The following CDH13 variants were observed in gnomAD, a reference collection of about 807,000 sequenced individuals.
The protein encoded by CDH13 is cadherin 13.
Under a neutral mutation model 63.8 loss-of-function variants are expected in CDH13, and 24 were observed. The ratio of observed to expected loss-of-function variants is 0.38; its 90% CI spans 0.27 to 0.53. The LOEUF is 0.53. Ranked by LOEUF, CDH13 falls within the 20% of genes least tolerant of loss-of-function variation. CDH13 has a pLI of 0.85. For missense variants in CDH13, 1,049 were observed against 903.1 expected (o/e 1.16, Z -2.07); for synonymous variants, 503 against 355.3 (o/e 1.42, Z -4.67).
At chr16:83,592,812 C>G (rs1364874497) in intron 7 of CDH13, among the ~76,000 whole-genome samples, 2 of 152,120 alleles carry the variant, frequency 1.3e-5, no homozygotes, top group African/African-American at 4.8e-5. Flanking sequence ...CAGGTGACAG[C>G]CAAGAATGTG....
At chr16:83,020,608 G>T (rs1463086936) in intron 2 of CDH13, among the ~76,000 whole-genome samples, 2 of 152,248 alleles carry the variant, frequency 1.3e-5, no homozygotes, top group African/African-American at 4.8e-5. Flanking sequence ...TCTGTGGTTT[G>T]TGAATCTTTG....
rs778316746 is a variant in CDH13 at position 83,342,843 on chromosome 16, GTTTTTTTTTTTT to G, written c.637-2006_637-1995del. On this transcript the variant is annotated intron_variant, in intron 5 of 13. Transcript: ENST00000567109. ...TTAGGCACAGTGTTTTTTTGTTTCT[GTTTTTTTTTTTT>G]TTTTTTTTTTTTGGTTGAGTTAAAG... Among the ~76,000 whole-genome samples, 181 of 65,338 alleles carry G rather than the reference GTTTTTTTTTTTT, an allele frequency of 2.8e-3. 1 individual carries two copies. The highest frequency in any genetic ancestry group is 0.011 in the African/African-American group (170 of 15,702). The allele number at this position is 65,338 out of a possible 152,430, so 42.9% of individuals were successfully genotyped here.
chr16:83,267,510 T>C lies in CDH13; in HGVS notation c.636+50013T>C, dbSNP rs577844936. Among the ~76,000 whole-genome samples the C allele has an allele frequency of 4.6e-5, 7 of 152,292 alleles. No homozygotes were observed. The South Asian group carries it at 1.2e-3, about 27-fold the overall frequency. On this transcript the variant is annotated intron_variant, in intron 5 of 13. Transcript: ENST00000567109. The stretch of plus-strand genomic sequence containing the variant: ...TGAAATTTAATTGCCACTGTGATGA[T>C]ATTAAGAGGTAAGACCTCTAAAAGG...
At chr16:83,487,510 C>A (rs1255497924) in intron 7 of CDH13, among the ~76,000 whole-genome samples, 1 of 152,034 alleles carries the variant, frequency 6.6e-6, no homozygotes, top group East Asian at 1.9e-4. Context: ...CTGGTCCTGC[C>A]CTTTCCTGAG....
rs182375654 is a variant in CDH13, at chr16:83,486,564, C to T, written c.869C>T (p.Thr290Met). 7.2e-5 allele frequency: 117 copies of T among 1,613,900 alleles called. No homozygotes were observed. The Middle Eastern group carries it at 1.3e-3, about 18-fold the overall frequency. ...ALLRYNIRQQTPDKPSPNMFY... is the reference protein window; with the variant it reads ...ALLRYNIRQQMPDKPSPNMFY... ...CTGCGGTATAATATCCGTCAGCAGACGCCTGACAAGCCATCTCCCAACATG... is the reference window on the plus strand; with the variant it reads ...CTGCGGTATAATATCCGTCAGCAGATGCCTGACAAGCCATCTCCCAACATG... Residue 290 changes from threonine to methionine, a missense_variant, in exon 7 of 14, where the codon ACG becomes ATG. Thr to Met is a moderately conservative substitution (Grantham distance 81). Coordinates refer to ENST00000567109, the MANE Select transcript of CDH13 (RefSeq NM_001257.5).
chr16:83,294,817 A>G (rs955871793), intron 5 of CDH13, among the ~76,000 whole-genome samples: 26 of 152,266 alleles, frequency 1.7e-4, no homozygotes, highest in African/African-American at 6.0e-4. Flanking sequence ...AAAATGATCC[A>G]CAGATTCAAC....
At chr16:82,672,133 T>TA (rs1284456472) in intron 1 of CDH13, among the ~76,000 whole-genome samples, 2 of 152,224 alleles carry the variant, frequency 1.3e-5, no homozygotes, top group East Asian at 1.9e-4. Flanking sequence ...TCTAACTCAG[T>TA]AACTTCCCAA....
intron 3 of CDH13, among the ~76,000 whole-genome samples, chr16:83,038,150 A>G (rs1917029584): frequency 6.6e-6 from 1 of 152,220 alleles, no homozygotes; most frequent in Admixed American, 6.5e-5. Context: ...TTGGAAGGAA[A>G]GATTCTCTAA....
At chr16:83,099,623 C>T (rs973658627) in intron 3 of CDH13, among the ~76,000 whole-genome samples, 1 of 82,510 alleles carries the variant, frequency 1.2e-5, no homozygotes, top group African/African-American at 3.8e-5. Context: ...CGTGCCGGGC[C>T]TCTACATATT....
In CDH13 at chr16:83,766,942, C is replaced by T. The variant is rs549631622; in HGVS notation, c.1682-13026C>T. On this transcript the variant is annotated intron_variant, in intron 11 of 13. Transcript: ENST00000567109. Reference sequence around the variant, plus strand: ...CACCCTGTGAAGAAGATGCCTGCTTCTCCTTGTCTTCTGCCATGATTGTAA... The same window carrying T: ...CACCCTGTGAAGAAGATGCCTGCTTTTCCTTGTCTTCTGCCATGATTGTAA... Among the ~76,000 whole-genome samples, 9 of 152,318 alleles carry T rather than the reference C, an allele frequency of 5.9e-5. No homozygotes were observed. In the South Asian group the frequency reaches 1.9e-3, roughly 32 times the overall value.
At position 83,395,562 on chromosome 16, in the gene CDH13, C is replaced by A. The variant is rs113662971; in HGVS notation, c.781+50556C>A. Among the ~76,000 whole-genome samples, 6 of 152,196 alleles carry A rather than the reference C, an allele frequency of 3.9e-5. 1 individual carries two copies. The highest frequency in any genetic ancestry group is 1.4e-4 in the African/African-American group (6 of 41,536). ...TATTACTCTTCCAGAAGAGGCTCTC[C>A]CCAACCCTCCCACATTGAAGGGTTG... On this transcript the variant is annotated intron_variant, in intron 6 of 13. Coordinates refer to ENST00000567109, the MANE Select transcript of CDH13 (RefSeq NM_001257.5).
intron 5 of CDH13, among the ~76,000 whole-genome samples, chr16:83,316,274 T>A (rs999969357): frequency 6.6e-6 from 1 of 152,172 alleles, no homozygotes; most frequent in Non-Finnish European, 1.5e-5. Context: ...GAGATTTAGG[T>A]GTGTGACACA....
intron 1 of CDH13, among the ~76,000 whole-genome samples, chr16:82,782,302 CTGTAA>C (rs1271280536): frequency 6.6e-6 from 1 of 152,212 alleles, no homozygotes; most frequent in Non-Finnish European, 1.5e-5. Flanking sequence ...TGGCTCACGC[CTGTAA>C]TCCCAGCACT....
intron 11 of CDH13, among the ~76,000 whole-genome samples, chr16:83,755,924 G>T (rs957703875): frequency 6.6e-6 from 1 of 152,078 alleles, no homozygotes; most frequent in African/African-American, 2.4e-5. Flanking sequence ...AAATTGTAAG[G>T]ACATAAGGAG....
chr16:83,383,082 G>T (rs1201945833), intron 6 of CDH13: 1 of 152,182 alleles, frequency 6.6e-6, no homozygotes, highest in African/African-American at 2.4e-5. Flanking sequence ...CATTTCCTCA[G>T]TCTTTCCCTG....
chr16:83,657,665 G>C (rs1422325053), intron 8 of CDH13, among the ~76,000 whole-genome samples: 2 of 152,216 alleles, frequency 1.3e-5, no homozygotes, highest in East Asian at 1.9e-4. Context: ...TGCAGAATCA[G>C]TCAGTGGAAG....
chr16:83,402,685 T>TA (rs375583977), intron 6 of CDH13, among the ~76,000 whole-genome samples: 6 of 152,168 alleles, frequency 3.9e-5, no homozygotes, highest in African/African-American at 1.4e-4. Flanking sequence ...ATGGCATGAC[T>TA]AAAGTCAAGC....
chr16:83,355,905 A>T (rs1448094056), intron 6 of CDH13, among the ~76,000 whole-genome samples: 1 of 152,178 alleles, frequency 6.6e-6, no homozygotes, highest in Non-Finnish European at 1.5e-5. Flanking sequence ...TATGTACTGG[A>T]TACTGGTCCA....
chr16:82,976,350 C>T (rs71402046), intron 2 of CDH13, among the ~76,000 whole-genome samples: 6,305 of 152,202 alleles, frequency 0.041, 139 homozygotes, highest in Admixed American at 0.052. Context: ...CCTCCCTCTT[C>T]CTACCTTTAT....
Sources: gnomAD v4.1 joint callset for allele counts (sites outside exome capture counted in the v4.1 genomes callset) on GRCh38, gnomAD v4.1.1 for gene constraint, MANE v1.5 for transcripts, NCBI Gene and HGNC (gene_info 2026-07-23, HGNC 2026-07-21) for gene names.